The following TRABD2B variants were observed in gnomAD, a reference collection of about 807,000 sequenced individuals.
TRABD2B encodes the protein TraB domain containing 2B.
In TRABD2B, 14 loss-of-function variants were observed where a neutral mutation model predicts 40.1. The ratio of observed to expected loss-of-function variants is 0.35; its 90% confidence interval spans 0.23 to 0.55. The LOEUF is 0.55. Among genes scored for constraint, TRABD2B ranks in the 20% least tolerant of loss-of-function variants. TRABD2B has a pLI of 0.90. For synonymous variants in TRABD2B, 263 were observed against 277.0 expected (o/e 0.95, Z 0.50); for missense variants, 541 against 648.6 (o/e 0.83, Z 1.80).
intron 2 of TRABD2B, among the ~76,000 whole-genome samples, chr1:47,849,959 C>A (rs1645525420): frequency 6.6e-6 from 1 of 152,242 alleles, no homozygotes; most frequent in Non-Finnish European, 1.5e-5. Flanking sequence ...GCAGCCCCAG[C>A]CAGCACTGGC....
chr1:47,954,833 C>G (rs2148391553), intron 2 of TRABD2B, among the ~76,000 whole-genome samples: 1 of 152,268 alleles, frequency 6.6e-6, no homozygotes, highest in African/African-American at 2.4e-5. Context: ...TCTCCTCTTC[C>G]TGCTCTTAGC....
chr1:47,856,186 G>A (rs1643887943), intron 2 of TRABD2B, among the ~76,000 whole-genome samples: 1 of 152,212 alleles, frequency 6.6e-6, no homozygotes, highest in Non-Finnish European at 1.5e-5. Flanking sequence ...CACCATGTAA[G>A]CGGGGTCTGC....
chr1:47,805,693 A>G (rs1467823548), intron 2 of TRABD2B, among the ~76,000 whole-genome samples: 5 of 152,186 alleles, frequency 3.3e-5, no homozygotes, highest in African/African-American at 7.2e-5. Context: ...GTCTTCATCC[A>G]TTCATTACCA....
chr1:47,900,020 C>A (rs1644577976), intron 2 of TRABD2B, among the ~76,000 whole-genome samples: 1 of 152,174 alleles, frequency 6.6e-6, no homozygotes, highest in Admixed American at 6.5e-5. Context: ...GTGGAAAGTG[C>A]TTGGGCCTGC....
At chr1:47,815,092 T>C (rs1365008290) in intron 2 of TRABD2B, among the ~76,000 whole-genome samples, 1 of 152,204 alleles carries the variant, frequency 6.6e-6, no homozygotes, top group Non-Finnish European at 1.5e-5. Context: ...CTGCTTCATT[T>C]GGGCAGCTCG....
intron 2 of TRABD2B, among the ~76,000 whole-genome samples, chr1:47,962,132 A>G (rs534384200): frequency 6.8e-6 from 1 of 147,138 alleles, no homozygotes; most frequent in Admixed American, 6.9e-5. Flanking sequence ...CAAACACCAC[A>G]TGTTCTCACT....
chr1:47,863,372 TTATATATATATA>T (rs201881656), intron 2 of TRABD2B, among the ~76,000 whole-genome samples: 845 of 66,498 alleles, frequency 0.013, 58 homozygotes, highest in African/African-American at 0.042. Context: ...CTATATAATT[TTATATATATATA>T]TATATATATA....
intron 2 of TRABD2B, among the ~76,000 whole-genome samples, chr1:47,965,558 A>G (rs1454622400): frequency 1.3e-5 from 2 of 151,928 alleles, no homozygotes; most frequent in Non-Finnish European, 2.9e-5. Flanking sequence ...CCCGGGCCCC[A>G]GCCCTCCCCC....
chr1:47,772,811 GC>G (rs1001476169), intron 6 of TRABD2B, among the ~76,000 whole-genome samples: 4 of 152,130 alleles, frequency 2.6e-5, no homozygotes, highest in Non-Finnish European at 5.9e-5. Flanking sequence ...GGAGCTCAGG[GC>G]CTGCTCCCCT....
intron 2 of TRABD2B, among the ~76,000 whole-genome samples, chr1:47,916,840 T>C (rs1416870426): frequency 6.6e-6 from 1 of 152,236 alleles, no homozygotes; most frequent in Non-Finnish European, 1.5e-5. Flanking sequence ...CCATTCTGTT[T>C]CACACCCTCC....
intron 2 of TRABD2B, among the ~76,000 whole-genome samples, chr1:47,866,654 C>T (rs777208042): frequency 6.6e-5 from 10 of 152,118 alleles, no homozygotes; most frequent in African/African-American, 1.9e-4. Flanking sequence ...CCAAGGCATG[C>T]GCTGGAATGA....
At chr1:47,950,145 G>C (rs986611121) in intron 2 of TRABD2B, among the ~76,000 whole-genome samples, 1 of 152,108 alleles carries the variant, frequency 6.6e-6, no homozygotes, top group African/African-American at 2.4e-5. Flanking sequence ...AATTAGCCGG[G>C]TGTGTGGTGG....
intron 2 of TRABD2B, among the ~76,000 whole-genome samples, chr1:47,960,195 G>C (rs992280498): frequency 1.3e-5 from 2 of 152,132 alleles, no homozygotes; most frequent in African/African-American, 4.8e-5. Context: ...CAATAAACTA[G>C]GTATTGATGG....
chr1:47,994,484 G>T lies in TRABD2B; in HGVS notation c.216C>A (p.Ser72=). The change falls in exon 2 of 7, where the codon TCC becomes TCA. Residue 72 remains serine (S), a synonymous_variant. Coordinates refer to ENST00000606738, the MANE Select transcript of TRABD2B (RefSeq NM_001194986.2). This position sits in a 1 kb window ranked among gnomAD's most constrained non-coding sequence, Gnocchi z 6.7. ...GGGTGCTAGCCTGGAAGGCTGCCTTGGAGTTGTCCGGGATGAAGTCCCAGA... is the reference window on the plus strand; with the variant it reads ...GGGTGCTAGCCTGGAAGGCTGCCTTTGAGTTGTCCGGGATGAAGTCCCAGA... ...TRVWDFIPDN[S]KAAFQASTRV... 6.5e-7 allele frequency: 1 copy of T among 1,536,188 alleles called. No homozygotes were observed. Among genetic ancestry groups the T allele is most frequent in the Non-Finnish European group, 8.7e-7 (1 of 1,146,914 alleles).
At chr1:47,886,017 GTAGC>G (rs1229306694) in intron 2 of TRABD2B, among the ~76,000 whole-genome samples, 1 of 152,180 alleles carries the variant, frequency 6.6e-6, no homozygotes, top group Non-Finnish European at 1.5e-5. Context: ...TCTTTATTTT[GTAGC>G]TATTGGATAA....
intron 2 of TRABD2B, among the ~76,000 whole-genome samples, chr1:47,909,496 AGAAGG>A (rs1644724061): frequency 7.0e-6 from 1 of 143,628 alleles, no homozygotes; most frequent in Admixed American, 7.0e-5. Flanking sequence ...GAGAAGGAGG[AGAAGG>A]AGGAGAAGGA....
At chr1:47,773,242 C>A (rs1644399674) in intron 6 of TRABD2B, among the ~76,000 whole-genome samples, 1 of 152,222 alleles carries the variant, frequency 6.6e-6, no homozygotes, top group African/African-American at 2.4e-5. Flanking sequence ...TTCAAGCCTC[C>A]CTGGCAGCTT....
rs564901427 is a variant in TRABD2B, at chr1:47,923,453, C to G, written c.666+70581G>C. Among the ~76,000 whole-genome samples, 6 of 152,288 alleles carry G rather than the reference C, an allele frequency of 3.9e-5. No individual in the cohort carries two copies. The East Asian group carries it at 1.2e-3, about 29-fold the overall frequency. On this transcript the variant is annotated intron_variant, in intron 2 of 6. Transcript: ENST00000606738. ...TTACAGGATGAATCAATGAACCCTG[C>G]CCATCCCTGACCACTGCACAGGCTG...
At chr1:47,971,626 C>T (rs891516615) in intron 2 of TRABD2B, among the ~76,000 whole-genome samples, 20 of 152,128 alleles carry the variant, frequency 1.3e-4, no homozygotes, top group African/African-American at 4.1e-4. Flanking sequence ...CCTGACAGCA[C>T]GCAGCCTAAT....
Sources: allele counts gnomAD v4.1 joint callset (sites outside exome capture counted in the v4.1 genomes callset), GRCh38; gene constraint gnomAD v4.1.1; non-coding constraint Gnocchi (gnomAD v3.1); transcripts MANE v1.5; gene names NCBI Gene and HGNC (gene_info 2026-07-23, HGNC 2026-07-21).